Variants in KCNT2 observed in about 807,000 individuals in gnomAD.
KCNT2 encodes the protein potassium sodium-activated channel subfamily T member 2, also known as potassium channel subfamily T member 2.
A neutral mutation model predicts 153.8 loss-of-function variants in KCNT2; 67 were observed. The ratio of observed to expected loss-of-function variants is 0.44; its 90% CI spans 0.36 to 0.53. The LOEUF is 0.53. Among genes scored for constraint, KCNT2 ranks in the 20% least tolerant of loss-of-function variants. The probability of loss-of-function intolerance (pLI) is 0.00; values close to 1 mark genes in which losing one functional copy is unlikely to be tolerated. For missense variants in KCNT2, 975 were observed against 1,354.8 expected, an observed-to-expected ratio of 0.72 and a Z score of 4.40; for synonymous variants, 500 against 458.8, an observed-to-expected ratio of 1.09 and a Z score of -1.15.
At chr1:196,331,734 T>A (rs1263947145) in intron 17 of KCNT2, among the ~76,000 whole-genome samples, 1 of 152,076 alleles carries the variant, frequency 6.6e-6, no homozygotes, top group Non-Finnish European at 1.5e-5. Flanking sequence ...TTTTCATTTT[T>A]AAAAAATAAA....
chr1:196,590,366 C>A (rs1279248150), intron 1 of KCNT2, among the ~76,000 whole-genome samples: 2 of 152,134 alleles, frequency 1.3e-5, no homozygotes, highest in Non-Finnish European at 2.9e-5. Flanking sequence ...ATGCCAGCTA[C>A]TGACAGATAA....
chr1:196,254,181 G>A (rs561369806), intron 26 of KCNT2, among the ~76,000 whole-genome samples: 2 of 151,368 alleles, frequency 1.3e-5, no homozygotes, highest in East Asian at 3.9e-4. Context: ...AGATTAGTTT[G>A]TTTACTCCTA....
At chr1:196,567,681 C>T (rs148101222) in intron 1 of KCNT2, among the ~76,000 whole-genome samples, 2 of 152,258 alleles carry the variant, frequency 1.3e-5, no homozygotes, top group Non-Finnish European at 2.9e-5. Flanking sequence ...TGTCACATCC[C>T]TGAAGTGAAA....
At chr1:196,412,050 GCTCT>G (rs1558258893) in intron 12 of KCNT2, among the ~76,000 whole-genome samples, 2 of 151,690 alleles carry the variant, frequency 1.3e-5, no homozygotes. Flanking sequence ...TGATGTACGA[GCTCT>G]CTAATATGCT....
chr1:196,472,599 C>T (rs779048640), intron 5 of KCNT2, among the ~76,000 whole-genome samples: 11 of 152,124 alleles, frequency 7.2e-5, no homozygotes, highest in South Asian at 2.1e-4. Flanking sequence ...TTCACATCAG[C>T]GCCTCTAAAG....
chr1:196,357,565 G>T lies in KCNT2; in HGVS notation c.1404-15337C>A, dbSNP rs191964201. The stretch of plus-strand genomic sequence containing the variant: ...AGGAATCATTGGTTCTAGCTGTGGT[G>T]CAGACATGTGGCCTGGGTTCCAGCA... On this transcript the variant is annotated intron_variant, in intron 14 of 27. Coordinates refer to ENST00000294725, the MANE Select transcript of KCNT2 (RefSeq NM_198503.5). 2.6e-5 allele frequency among the ~76,000 whole-genome samples: 4 copies of T among 152,004 alleles called. No individual in the cohort carries two copies. In the East Asian group the frequency reaches 7.8e-4, roughly 30 times the overall value.
intron 1 of KCNT2, among the ~76,000 whole-genome samples, chr1:196,588,885 G>A (rs539901167): frequency 2.0e-5 from 3 of 151,724 alleles, no homozygotes; most frequent in Admixed American, 6.6e-5. Context: ...CCTCAACAGG[G>A]TAATTTCATT....
At chr1:196,537,543 C>T (rs1453828709) in intron 1 of KCNT2, among the ~76,000 whole-genome samples, 2 of 152,150 alleles carry the variant, frequency 1.3e-5, no homozygotes, top group Non-Finnish European at 2.9e-5. Flanking sequence ...CATGGGACCT[C>T]CAGTTGTGGT....
chr1:196,246,597 A>T (rs1655469781), intron 26 of KCNT2, among the ~76,000 whole-genome samples: 1 of 152,148 alleles, frequency 6.6e-6, no homozygotes, highest in Non-Finnish European at 1.5e-5. Flanking sequence ...AGATATAAAT[A>T]CAAACAAAAA....
chr1:196,520,332 A>G (rs1175464006), intron 1 of KCNT2, among the ~76,000 whole-genome samples: 1 of 152,020 alleles, frequency 6.6e-6, no homozygotes, highest in Non-Finnish European at 1.5e-5. Context: ...ATATATGACA[A>G]GCTCACAGCC....
At chr1:196,441,429 T>A (rs1264036155) in intron 8 of KCNT2, among the ~76,000 whole-genome samples, 3 of 200 alleles carry the variant, frequency 0.015, no homozygotes, top group Non-Finnish European at 0.045. Context: ...AATCTACTTT[T>A]TTTTTTTTCC....
rs76376888 is a variant in KCNT2 at position 196,596,448 on chromosome 1, T to C, written c.95+11767A>G. On this transcript the variant is annotated intron_variant, in intron 1 of 27. Coordinates refer to ENST00000294725, the MANE Select transcript of KCNT2 (RefSeq NM_198503.5). ...CTTGTGGGAGTGAGGTGGTATCACA[T>C]TGTGGTTTTAATTTGCATTTCCCTG... Among the ~76,000 whole-genome samples the C allele has an allele frequency of 4.5e-3, 687 of 152,206 alleles. 2 individuals are homozygous for C. Among genetic ancestry groups the C allele is most frequent in the African/African-American group, 0.015 (642 of 41,530 alleles).
chr1:196,388,396 T>C (rs1670183965), intron 13 of KCNT2, among the ~76,000 whole-genome samples: 1 of 151,680 alleles, frequency 6.6e-6, no homozygotes, highest in African/African-American at 2.4e-5. Context: ...ATCTTTACAT[T>C]TTTATATTAT....
At chr1:196,470,053 T>C (rs1239802946) in intron 5 of KCNT2, among the ~76,000 whole-genome samples, 1 of 152,220 alleles carries the variant, frequency 6.6e-6, no homozygotes, top group Non-Finnish European at 1.5e-5. Context: ...TGTCTCCATA[T>C]ACTAAGAAAT....
intron 1 of KCNT2, among the ~76,000 whole-genome samples, chr1:196,521,088 T>C (rs1232580608): frequency 6.6e-6 from 1 of 151,944 alleles, no homozygotes; most frequent in Admixed American, 6.6e-5. Flanking sequence ...GTAATAAATT[T>C]ACTAGAAAAA....
chr1:196,482,047 G>A (rs1258234265), intron 4 of KCNT2, among the ~76,000 whole-genome samples: 1 of 152,092 alleles, frequency 6.6e-6, no homozygotes, highest in Non-Finnish European at 1.5e-5. Context: ...ATGTAGTTTG[G>A]GAAAACTTGT....
chr1:196,252,585 C>A (rs1207934826), intron 26 of KCNT2, among the ~76,000 whole-genome samples: 4 of 151,462 alleles, frequency 2.6e-5, no homozygotes, highest in Non-Finnish European at 5.9e-5. Context: ...TCCATATGTA[C>A]TAAAAACCAC....
At chr1:196,384,257 T>C (rs1018665951) in intron 13 of KCNT2, among the ~76,000 whole-genome samples, 2 of 152,150 alleles carry the variant, frequency 1.3e-5, no homozygotes, top group Non-Finnish European at 2.9e-5. Flanking sequence ...CTATAAATCC[T>C]CATAACAAGT....
intron 21 of KCNT2, among the ~76,000 whole-genome samples, chr1:196,309,687 T>A (rs1661976425): frequency 6.6e-6 from 1 of 151,896 alleles, no homozygotes; most frequent in Admixed American, 6.6e-5. Flanking sequence ...GTTATAATAT[T>A]TTATATTTAC....
Sources: allele counts gnomAD v4.1 joint callset (sites outside exome capture counted in the v4.1 genomes callset), GRCh38; gene constraint gnomAD v4.1.1; transcripts MANE v1.5; gene names NCBI Gene and HGNC (gene_info 2026-07-23, HGNC 2026-07-21).